Variants in APP observed in about 807,000 individuals in gnomAD.
The protein encoded by APP is amyloid beta precursor protein, also known as amyloid-beta precursor protein.
A neutral mutation model predicts 101.4 loss-of-function variants in APP; 31 were observed. The ratio of observed to expected loss-of-function variants is 0.31; its 90% CI spans 0.23 to 0.41. APP has a LOEUF of 0.41. Among genes scored for constraint, APP ranks in the 10% least tolerant of loss-of-function variants. The pLI is 1.00. For missense variants in APP, 839 were observed against 1,003.7 expected, an observed-to-expected ratio of 0.84 and a Z score of 2.22; for synonymous variants, 366 against 364.4, an observed-to-expected ratio of 1.00 and a Z score of -0.05.
At chr21:25,946,716 A>C (rs1159040332) in intron 13 of APP, among the ~76,000 whole-genome samples, 4 of 152,146 alleles carry the variant, frequency 2.6e-5, no homozygotes, top group Non-Finnish European at 5.9e-5. Context: ...AAAGTAAGGT[A>C]AACAACCCAA....
At chr21:26,140,299 C>G in intron 1 of APP, 1 of 1,533,764 alleles carries the variant, frequency 6.5e-7, no homozygotes, top group Non-Finnish European at 8.7e-7. Context: ...CACAACTTGA[C>G]CCAGGCCAGA....
intron 11 of APP, among the ~76,000 whole-genome samples, chr21:25,968,160 T>C (rs2041868651): frequency 6.6e-6 from 1 of 152,128 alleles, no homozygotes; most frequent in African/African-American, 2.4e-5. Flanking sequence ...TTTTTTAACT[T>C]TTAATTTTGG....
chr21:26,130,630 A>G lies in APP; in HGVS notation c.58-18484T>C, dbSNP rs548934308. Among the ~76,000 whole-genome samples, 136 of 152,344 alleles carry G rather than the reference A, an allele frequency of 8.9e-4. 1 individual carries two copies. Among genetic ancestry groups the G allele is most frequent in the Admixed American group, 7.2e-4 (11 of 15,302 alleles). On this transcript the variant is annotated intron_variant, in intron 1 of 17. Coordinates refer to ENST00000346798, the MANE Select transcript of APP (RefSeq NM_000484.4). The stretch of plus-strand genomic sequence containing the variant: ...GTTTTAGATATTCATGACATTTCCT[A>G]AGGCATTCTATAATGTTAAAATACT...
At chr21:25,911,593 G>C in intron 14 of APP, 148 bp downstream of exon 14, 1 of 683,552 alleles carries the variant, frequency 1.5e-6, no homozygotes, top group Non-Finnish European at 2.5e-6. Context: ...ACTTTTTAAA[G>C]TAAAATTATA....
Position 26,052,039 on chromosome 21 carries a change from C to G in APP, c.469-846G>C, listed in dbSNP as rs190288465. Among the ~76,000 whole-genome samples the G allele has an allele frequency of 8.7e-4, 133 of 152,294 alleles. 2 individuals carry two copies. Among genetic ancestry groups the G allele is most frequent in the African/African-American group, 3.1e-3 (130 of 41,566 alleles). ...TTAAACTCAGCAAGCTCTTAAACCT[C>G]CAAAACACATTTTTACATAAAAAAC... On this transcript the variant is annotated intron_variant, in intron 4 of 17. Coordinates refer to ENST00000346798, the MANE Select transcript of APP (RefSeq NM_000484.4).
rs1286109822 is a variant in APP at position 26,031,737 on chromosome 21, G to T, written c.663-9695C>A. On this transcript the variant is annotated intron_variant, in intron 5 of 17. Transcript: ENST00000346798. ...CCTCCACAACATGTGGGAATTCTGG[G>T]AGATATAATTGAAGTTGATATTTGA... 2.0e-5 allele frequency among the ~76,000 whole-genome samples: 3 copies of T among 152,146 alleles called. 1 individual carries two copies. The highest frequency in any genetic ancestry group is 7.2e-5 in the African/African-American group (3 of 41,410).
At chr21:26,010,582 G>T (rs1341136381) in intron 6 of APP, among the ~76,000 whole-genome samples, 1 of 151,932 alleles carries the variant, frequency 6.6e-6, no homozygotes, top group Non-Finnish European at 1.5e-5. Context: ...GGCCGAGATG[G>T]ATGGATCACT....
intron 5 of APP, among the ~76,000 whole-genome samples, chr21:26,042,623 C>G (rs969005125): frequency 1.3e-5 from 2 of 152,192 alleles, no homozygotes; most frequent in African/African-American, 2.4e-5. Flanking sequence ...ACCCCTTGGT[C>G]TGGCGTGGTG....
chr21:25,964,166 C>A (rs1017105780), intron 11 of APP, among the ~76,000 whole-genome samples: 1 of 152,140 alleles, frequency 6.6e-6, no homozygotes, highest in Non-Finnish European at 1.5e-5. Context: ...TTTGCTGATG[C>A]GGCTCTGATT....
intron 3 of APP, among the ~76,000 whole-genome samples, chr21:26,080,369 A>T (rs2061573037): frequency 6.6e-6 from 1 of 152,220 alleles, no homozygotes. Flanking sequence ...CCAAAGTCGC[A>T]GGTGATTCCT....
At chr21:25,932,506 G>A (rs2040191240) in intron 13 of APP, among the ~76,000 whole-genome samples, 1 of 151,996 alleles carries the variant, frequency 6.6e-6, no homozygotes, top group Non-Finnish European at 1.5e-5. Flanking sequence ...ACAGCTTCAG[G>A]CCTCATACGA....
intron 2 of APP, among the ~76,000 whole-genome samples, chr21:26,109,451 T>G (rs535562456): frequency 2.6e-5 from 4 of 152,322 alleles, no homozygotes; most frequent in African/African-American, 4.8e-5. Flanking sequence ...TGTGAACATG[T>G]GTCTTCTTCC....
intron 13 of APP, among the ~76,000 whole-genome samples, chr21:25,939,160 A>C (rs1483673970): frequency 6.6e-6 from 1 of 152,138 alleles, no homozygotes; most frequent in Non-Finnish European, 1.5e-5. Flanking sequence ...GAATCTGAAA[A>C]CCAGGAGGGT....
At chr21:26,024,517 T>C (rs970691025) in intron 5 of APP, among the ~76,000 whole-genome samples, 1 of 152,140 alleles carries the variant, frequency 6.6e-6, no homozygotes, top group South Asian at 2.1e-4. Flanking sequence ...TATGATTCCA[T>C]GATCTACGAC....
chr21:25,881,818 T>A lies in APP; in HGVS notation c.2212-47A>T, dbSNP rs779610796. On this transcript the variant is annotated intron_variant, in intron 17 of 17. Coordinates refer to ENST00000346798, the MANE Select transcript of APP (RefSeq NM_000484.4). ...GAGTAAAAAATAAAAATCAATCTTTTAAGGGTGAACATGGAGAAGCAGTAA... is the reference window on the plus strand; with the variant it reads ...GAGTAAAAAATAAAAATCAATCTTTAAAGGGTGAACATGGAGAAGCAGTAA... 1.5e-5 allele frequency: 24 copies of A among 1,565,740 alleles called. No homozygotes were observed. The South Asian group carries it at 2.4e-4, about 16-fold the overall frequency.
intron 6 of APP, among the ~76,000 whole-genome samples, chr21:26,006,427 G>A (rs1299973549): frequency 2.0e-5 from 3 of 152,166 alleles, no homozygotes; most frequent in African/African-American, 7.2e-5. Flanking sequence ...GCAAAATCAT[G>A]TGCTTCTAAT....
At chr21:26,140,390 T>C in intron 1 of APP, 5 of 1,449,052 alleles carry the variant, frequency 3.5e-6, no homozygotes, top group Non-Finnish European at 4.5e-6. Flanking sequence ...CTGTGCTATT[T>C]AGGCGTGGAT....
At chr21:25,975,254 T>A (rs1421348010) in intron 10 of APP, 26 bp from the exon 11 acceptor site, 1 of 1,614,074 alleles carries the variant, frequency 6.2e-7, no homozygotes, top group Non-Finnish European at 8.5e-7. Context: ...CATATGTCCA[T>A]GGGGACTGAA....
intron 5 of APP, among the ~76,000 whole-genome samples, chr21:26,031,139 C>T (rs1455844424): frequency 2.0e-5 from 3 of 152,078 alleles, no homozygotes; most frequent in South Asian, 4.1e-4. Flanking sequence ...AAAGAAGATG[C>T]CCTGAAAAGG....
Sources: allele counts gnomAD v4.1 joint callset (sites outside exome capture counted in the v4.1 genomes callset), GRCh38; gene constraint gnomAD v4.1.1; transcripts MANE v1.5; gene names NCBI Gene and HGNC (gene_info 2026-07-23, HGNC 2026-07-21).